Variants in RFT1 observed in about 807,000 individuals in gnomAD.
RFT1 encodes man(5)GlcNAc(2)-PP-dolichol translocation protein RFT1.
In RFT1, 43 loss-of-function variants were observed where a neutral mutation model predicts 62.2. The ratio of observed to expected loss-of-function variants is 0.69; its 90% CI spans 0.54 to 0.89. RFT1 has a LOEUF of 0.89. Ranked by LOEUF, RFT1 falls within the 40% of genes least tolerant of loss-of-function variation. The probability of loss-of-function intolerance (pLI) is 0.00; values close to 1 mark genes in which losing one functional copy is unlikely to be tolerated. For missense variants in RFT1, 605 were observed against 649.9 expected (o/e 0.93, Z 0.75); for synonymous variants, 262 against 264.6 (o/e 0.99, Z 0.10).
intron 7 of RFT1, among the ~76,000 whole-genome samples, chr3:53,111,521 T>C (rs1701648520): frequency 6.6e-6 from 1 of 152,240 alleles, no homozygotes; most frequent in Non-Finnish European, 1.5e-5. Context: ...CCAGTTAAGC[T>C]GTTCCTTGTT....
At chr3:53,070,318 G>A in the RFT1 span, among the ~76,000 whole-genome samples, 1 of 151,774 alleles carries the variant, frequency 6.6e-6, no homozygotes, top group Non-Finnish European at 1.5e-5. Flanking sequence ...GGGAGGTCAA[G>A]GTGGGAGGAT....
intron 11 of RFT1, 87 bp downstream of exon 11, chr3:53,099,294 T>C (rs908415809): frequency 6.4e-5 from 69 of 1,076,354 alleles, no homozygotes; most frequent in African/African-American, 4.5e-4. Context: ...TGTAAATGCA[T>C]GTTCAGAACG....
In RFT1 at chr3:53,091,969, C is replaced by T. The variant is rs369800703; in HGVS notation, c.1560G>A (p.Glu520=). 51 of 1,614,152 alleles carry T rather than the reference C, an allele frequency of 3.2e-5. 1 individual carries two copies. Among genetic ancestry groups the T allele is most frequent in the Middle Eastern group, 3.3e-4 (2 of 6,084 alleles). ...TCCTGAGGAAATGGATCAGCTTGGT[C>T]TCTGTGAGGAATGCTGTCCCGAGAG... is the stretch of plus-strand genomic sequence containing the variant. ...GATLGTAFLT[E]TKLIHFLRTQ... The change falls in exon 13 of 13, where the codon GAG becomes GAA. Residue 520 remains glutamate (E), a synonymous_variant. Coordinates refer to ENST00000296292, the MANE Select transcript of RFT1 (RefSeq NM_052859.4).
chr3:53,082,746 T>C, the RFT1 span, among the ~76,000 whole-genome samples: 1 of 152,108 alleles, frequency 6.6e-6, no homozygotes. Flanking sequence ...GCTCTGTAAC[T>C]GCTGGAGTGG....
intron 11 of RFT1, among the ~76,000 whole-genome samples, chr3:53,097,381 C>T (rs1701173304): frequency 6.6e-6 from 1 of 152,202 alleles, no homozygotes; most frequent in Non-Finnish European, 1.5e-5. Context: ...CTTAATATCA[C>T]ATTTTACTCT....
At chr3:53,108,661 G>A (rs936665244) in intron 7 of RFT1, among the ~76,000 whole-genome samples, 105 of 151,718 alleles carry the variant, frequency 6.9e-4, no homozygotes, top group African/African-American at 2.5e-3. Flanking sequence ...GGGATTACAG[G>A]CATAAGCCAA....
chr3:53,119,905 T>C lies in RFT1; in HGVS notation c.675A>G (p.Leu225=), dbSNP rs1344235659. 6.2e-6 allele frequency: 10 copies of C among 1,612,212 alleles called. No homozygotes were observed. The East Asian group carries it at 2.2e-4, about 36-fold the overall frequency. Residue 225 remains leucine, a synonymous_variant, in exon 6 of 13, where the codon TTA becomes TTG. Coordinates refer to ENST00000296292, the MANE Select transcript of RFT1 (RefSeq NM_052859.4). ...TLPVSRITDL[L]PNITRNGAFI... is the part of the protein sequence containing the mutation. ...TTACTCCATTTCTTGTAATATTGGGTAACAGATCTGTTATTCTGGAGACAG... is the reference window on the plus strand; with the variant it reads ...TTACTCCATTTCTTGTAATATTGGGCAACAGATCTGTTATTCTGGAGACAG...
At chr3:53,114,287 C>A (rs2107142195) in intron 6 of RFT1, among the ~76,000 whole-genome samples, 1 of 152,310 alleles carries the variant, frequency 6.6e-6, no homozygotes, top group East Asian at 1.9e-4. Flanking sequence ...TGTCATGAGG[C>A]TCTCGTGATG....
chr3:53,105,917 T>A, intron 8 of RFT1, 114 bp from the exon 9 acceptor site: 1 of 1,050,404 alleles, frequency 9.5e-7, no homozygotes, highest in East Asian at 3.0e-5. Flanking sequence ...TTGAGATAAT[T>A]ATAGATTCAC....
intron 1 of RFT1, among the ~76,000 whole-genome samples, chr3:53,126,345 G>C (rs2107174365): frequency 6.6e-6 from 1 of 152,228 alleles, no homozygotes; most frequent in African/African-American, 2.4e-5. Flanking sequence ...CACCTTGCCG[G>C]GCCCTGGCCA....
chr3:53,124,465 G>C (rs1702055283), intron 2 of RFT1, among the ~76,000 whole-genome samples: 1 of 152,162 alleles, frequency 6.6e-6, no homozygotes, highest in Non-Finnish European at 1.5e-5. Context: ...TAAGGTCTCT[G>C]GGGTTGTCCA....
chr3:53,107,131 A>T (rs1242792921), intron 7 of RFT1, among the ~76,000 whole-genome samples: 1 of 116,340 alleles, frequency 8.6e-6, no homozygotes, highest in East Asian at 2.8e-4. Context: ...AACAAGTCTA[A>T]AAAGGTTTTT....
At chr3:53,069,838 A>C in the RFT1 span, among the ~76,000 whole-genome samples, 1 of 152,208 alleles carries the variant, frequency 6.6e-6, no homozygotes, top group Non-Finnish European at 1.5e-5. Flanking sequence ...GTCCAGCAAT[A>C]GGGGATGAGG....
At chr3:53,086,477 G>A (rs530806019), downstream of RFT1, among the ~76,000 whole-genome samples, 2 of 152,002 alleles carry the variant, frequency 1.3e-5, no homozygotes, top group African/African-American at 4.8e-5. Context: ...CACCATGCCC[G>A]GCTAATTTTT....
the RFT1 span, among the ~76,000 whole-genome samples, chr3:53,067,319 A>G: frequency 1.3e-5 from 2 of 152,208 alleles, no homozygotes; most frequent in African/African-American, 4.8e-5. Context: ...CCACTGCACT[A>G]CGGAAGGAGA....
At chr3:53,087,969 AAC>A (rs1319520776), downstream of RFT1, among the ~76,000 whole-genome samples, 1 of 152,248 alleles carries the variant, frequency 6.6e-6, no homozygotes. Context: ...TTCTGGAAAT[AAC>A]AGTCTTTGAA....
chr3:53,125,314 T>C lies in RFT1; in HGVS notation c.149+595A>G, dbSNP rs182943617. Among the ~76,000 whole-genome samples the C allele has an allele frequency of 1.2e-3, 183 of 152,374 alleles. 1 individual carries two copies. The highest frequency in any genetic ancestry group is 4.3e-3 in the African/African-American group (177 of 41,586). ...ATCATTTCATATACTTTGTGTCATT[T>C]GTGAAGACAAAATATGCGTGGGTGT... On this transcript the variant is annotated intron_variant, in intron 2 of 12. Coordinates refer to ENST00000296292, the MANE Select transcript of RFT1 (RefSeq NM_052859.4).
At chr3:53,110,067 A>G (rs1337363525) in intron 7 of RFT1, among the ~76,000 whole-genome samples, 1 of 152,176 alleles carries the variant, frequency 6.6e-6, no homozygotes, top group Non-Finnish European at 1.5e-5. Context: ...AGTTTGCAGT[A>G]AACTTAAACC....
chr3:53,066,941 A>G, the RFT1 span, among the ~76,000 whole-genome samples: 1 of 152,244 alleles, frequency 6.6e-6, no homozygotes, highest in Non-Finnish European at 1.5e-5. Flanking sequence ...TAAATAAACC[A>G]GTGTGGCCTA....
Sources: allele counts gnomAD v4.1 joint callset (sites outside exome capture counted in the v4.1 genomes callset), GRCh38; gene constraint gnomAD v4.1.1; transcripts MANE v1.5; gene names NCBI Gene and HGNC (gene_info 2026-07-23, HGNC 2026-07-21).